The following CCDC73 variants were observed in gnomAD, a reference collection of about 807,000 sequenced individuals.
The protein encoded by CCDC73 is coiled-coil domain-containing protein 73.
A neutral mutation model predicts 116.5 loss-of-function variants in CCDC73; 95 were observed. That is an observed-to-expected ratio of 0.82 (90% CI 0.69 to 0.97). The LOEUF (loss-of-function observed/expected upper bound fraction) is 0.97. CCDC73 is among the 50% of genes least tolerant of loss of function. The pLI is 0.00. For missense variants in CCDC73, 1,066 were observed against 1,206.8 expected (o/e 0.88, Z 1.73); for synonymous variants, 398 against 401.3 (o/e 0.99, Z 0.10).
At chr11:32,641,715 G>GTA (rs56262743) in intron 13 of CCDC73, among the ~76,000 whole-genome samples, 49,886 of 148,688 alleles carry the variant, frequency 0.34, 8,536 homozygotes, top group Middle Eastern at 0.36. Flanking sequence ...ATATGTGTGT[G>GTA]TATATATATA....
At chr11:32,760,899 T>C (rs1369624624) in intron 1 of CCDC73, among the ~76,000 whole-genome samples, 2 of 152,194 alleles carry the variant, frequency 1.3e-5, no homozygotes, top group Admixed American at 1.3e-4. Flanking sequence ...AGTACAATAT[T>C]AAAAATGTGC....
At chr11:32,806,896 T>G in the CCDC73 span, among the ~76,000 whole-genome samples, 3 of 152,206 alleles carry the variant, frequency 2.0e-5, no homozygotes, top group Admixed American at 6.5e-5. Context: ...GGTTTGCCAC[T>G]GCTACTATGG....
intron 13 of CCDC73, among the ~76,000 whole-genome samples, chr11:32,640,719 GA>G (rs1352205562): frequency 7.9e-5 from 12 of 151,986 alleles, no homozygotes; most frequent in Non-Finnish European, 1.8e-4. Flanking sequence ...TATAAATTAA[GA>G]AAACATGTTA....
At chr11:32,727,356 C>T (rs1258289508) in intron 2 of CCDC73, among the ~76,000 whole-genome samples, 1 of 152,110 alleles carries the variant, frequency 6.6e-6, no homozygotes, top group East Asian at 1.9e-4. Flanking sequence ...AGAAACAAGT[C>T]ACTTATTCCA....
intron 2 of CCDC73, among the ~76,000 whole-genome samples, chr11:32,749,076 A>G (rs991906322): frequency 1.3e-5 from 2 of 152,040 alleles, no homozygotes; most frequent in African/African-American, 4.8e-5. Flanking sequence ...TTGAATATTG[A>G]TATTTTTCTA....
intron 14 of CCDC73, among the ~76,000 whole-genome samples, chr11:32,624,947 C>T (rs537500049): frequency 6.5e-4 from 99 of 152,314 alleles, no homozygotes; most frequent in Non-Finnish European, 1.3e-4. Context: ...AACCAAACAC[C>T]GCACGTTCTC....
At chr11:32,727,495 A>G (rs1009675939) in intron 2 of CCDC73, among the ~76,000 whole-genome samples, 2 of 152,230 alleles carry the variant, frequency 1.3e-5, no homozygotes, top group Non-Finnish European at 2.9e-5. Flanking sequence ...ATATTGTGTC[A>G]CTATGTAACT....
At chr11:32,830,026 G>T in the CCDC73 span, 3 of 985,920 alleles carry the variant, frequency 3.0e-6, no homozygotes, top group African/African-American at 1.7e-5. Flanking sequence ...GTTTGCGCGC[G>T]GGGGCCATCC....
In CCDC73 at chr11:32,622,762, A is replaced by G. The variant is rs1208797991; in HGVS notation, c.1186-6633T>C. On this transcript the variant is annotated intron_variant, in intron 14 of 17. Coordinates refer to ENST00000335185, the MANE Select transcript of CCDC73 (RefSeq NM_001008391.4). ...ATGGTGTAAAGATTAAATTATATAT[A>G]TAATACACACAGTGCATAGGTGCTC... Among the ~76,000 whole-genome samples, 14 of 151,788 alleles carry G rather than the reference A, an allele frequency of 9.2e-5. 1 individual carries two copies. The South Asian group carries it at 2.7e-3, about 29-fold the overall frequency.
At chr11:32,769,555 C>A (rs1202400144) in intron 1 of CCDC73, among the ~76,000 whole-genome samples, 1 of 152,102 alleles carries the variant, frequency 6.6e-6, no homozygotes, top group African/African-American at 2.4e-5. Context: ...TTCAACAAAG[C>A]AAATCACAAA....
At chr11:32,775,830 C>T (rs1470248292) in intron 1 of CCDC73, among the ~76,000 whole-genome samples, 1 of 152,140 alleles carries the variant, frequency 6.6e-6, no homozygotes, top group African/African-American at 2.4e-5. Context: ...AAAGTTCTAT[C>T]ACACAACTGC....
chr11:32,725,107 G>A (rs1369370888), intron 2 of CCDC73, among the ~76,000 whole-genome samples: 2 of 151,736 alleles, frequency 1.3e-5, no homozygotes, highest in East Asian at 3.9e-4. Flanking sequence ...GTTTAGTGAA[G>A]TAAGAAGATG....
chr11:32,643,101 T>A (rs1406091881), intron 12 of CCDC73, among the ~76,000 whole-genome samples: 7 of 151,926 alleles, frequency 4.6e-5, no homozygotes, highest in Non-Finnish European at 7.4e-5. Context: ...ATCCATCTCA[T>A]TTGAATTCCA....
At chr11:32,765,281 G>A (rs895103577) in intron 1 of CCDC73, among the ~76,000 whole-genome samples, 4 of 152,178 alleles carry the variant, frequency 2.6e-5, no homozygotes, top group Non-Finnish European at 5.9e-5. Context: ...GACATCTACA[G>A]AACTCTCCAC....
intron 5 of CCDC73, among the ~76,000 whole-genome samples, chr11:32,699,951 C>A (rs918374879): frequency 6.7e-6 from 1 of 150,076 alleles, no homozygotes; most frequent in Non-Finnish European, 1.5e-5. Context: ...CAGGCTTTAA[C>A]CTTCCATCTG....
chr11:32,620,733 T>C (rs1376348718), intron 14 of CCDC73, among the ~76,000 whole-genome samples: 1 of 150,782 alleles, frequency 6.6e-6, no homozygotes, highest in African/African-American at 2.4e-5. Flanking sequence ...GAGCAATGAG[T>C]AACAGGAGGT....
chr11:32,704,605 G>T (rs1849840526), intron 3 of CCDC73, among the ~76,000 whole-genome samples: 1 of 152,178 alleles, frequency 6.6e-6, no homozygotes, highest in South Asian at 2.1e-4. Context: ...GGTGCTCCTG[G>T]CAGGAAGGGA....
At position 32,602,808 on chromosome 11, in the gene CCDC73, A is replaced by G; in HGVS notation, c.*3T>C. 1 of 1,562,010 alleles carries G rather than the reference A, an allele frequency of 6.4e-7. No homozygotes were observed. Among genetic ancestry groups the G allele is most frequent in the Non-Finnish European group, 8.7e-7 (1 of 1,149,414 alleles). On this transcript the variant is annotated 3_prime_UTR_variant, in exon 18 of 18. Transcript: ENST00000335185. ...ATTTCACTACTGAAAGCACTTATCT[A>G]CATTATTTTAATCTGTTGTTTTTTT...
chr11:32,798,683 G>T (rs1215967423), upstream of CCDC73, among the ~76,000 whole-genome samples: 2 of 152,204 alleles, frequency 1.3e-5, no homozygotes, highest in African/African-American at 4.8e-5. Context: ...TCATGAATGA[G>T]TAAGCAAAGA....
Sources: gnomAD v4.1 joint callset for allele counts (sites outside exome capture counted in the v4.1 genomes callset) on GRCh38, gnomAD v4.1.1 for gene constraint, MANE v1.5 for transcripts, NCBI Gene and HGNC (gene_info 2026-07-23, HGNC 2026-07-21) for gene names.